The following SPTLC1 variants were observed in gnomAD, a reference collection of about 807,000 sequenced individuals.
SPTLC1 encodes the protein serine palmitoyltransferase 1.
SPTLC1 carries 55 observed loss-of-function variants against 68.9 expected under a neutral mutation model. The observed-to-expected ratio is 0.80, with a 90% confidence interval of 0.64 to 1.00. The LOEUF is 1.00. Ranked by LOEUF, SPTLC1 falls within the 50% of genes least tolerant of loss-of-function variation. SPTLC1 has a pLI of 0.00. For synonymous variants in SPTLC1, 197 were observed against 201.6 expected, an observed-to-expected ratio of 0.98 and a Z score of 0.19; for missense variants, 449 against 573.1, an observed-to-expected ratio of 0.78 and a Z score of 2.21.
At chr9:92,081,124 C>T (rs536372605) in intron 3 of SPTLC1, among the ~76,000 whole-genome samples, 161 bp from the exon 4 acceptor site, 2 of 152,100 alleles carry the variant, frequency 1.3e-5, no homozygotes, top group South Asian at 4.2e-4. Context: ...GAGCATGGTA[C>T]ATTAAAAATA....
intron 8 of SPTLC1, among the ~76,000 whole-genome samples, chr9:92,053,130 C>CAA (rs79512949): frequency 2.1e-5 from 3 of 140,184 alleles, no homozygotes; most frequent in Non-Finnish European, 4.8e-5. Context: ...AACAAACAAA[C>CAA]AAAAAAAAAA....
At chr9:92,058,438 T>C (rs1026212180) in intron 7 of SPTLC1, among the ~76,000 whole-genome samples, 1 of 152,200 alleles carries the variant, frequency 6.6e-6, no homozygotes, top group African/African-American at 2.4e-5. Flanking sequence ...ACACACATCA[T>C]GGTGTCCTGC....
rs1473206458 is a variant in SPTLC1 at position 92,031,514 on chromosome 9, T to C, written c.*951A>G. 2 of 152,194 alleles carry C rather than the reference T, an allele frequency of 1.3e-5. No homozygotes were observed. The highest frequency in any genetic ancestry group is 3.8e-4 in the East Asian group (2 of 5,198). 9.4% of individuals were successfully genotyped at this position (152,194 alleles called of 1,614,324 possible). Reference sequence around the variant, plus strand: ...GCTTAAAAATGGTATTTTTAGTGCTTTCACATCTTTTGTAGATATCTGGAA... The same window carrying C: ...GCTTAAAAATGGTATTTTTAGTGCTCTCACATCTTTTGTAGATATCTGGAA... On this transcript the variant is annotated 3_prime_UTR_variant, in exon 15 of 15. Coordinates refer to ENST00000262554, the MANE Select transcript of SPTLC1 (RefSeq NM_006415.4).
intron 3 of SPTLC1, 145 bp downstream of exon 3, chr9:92,108,595 A>T: frequency 9.3e-7 from 1 of 1,073,098 alleles, no homozygotes; most frequent in South Asian, 1.5e-5. Flanking sequence ...AATTTTTTAA[A>T]ATCAGGAGCT....
At chr9:92,035,693 G>C (rs1038178143) in intron 13 of SPTLC1, among the ~76,000 whole-genome samples, 6 of 152,134 alleles carry the variant, frequency 3.9e-5, no homozygotes, top group African/African-American at 1.4e-4. Flanking sequence ...AATAGCAACA[G>C]AGCAAAGGGC....
rs879683011 is a variant in SPTLC1 at position 92,085,026 on chromosome 9, C to T, written c.261-4063G>A. Among the ~76,000 whole-genome samples, 916 of 151,792 alleles carry T rather than the reference C, an allele frequency of 6.0e-3. 7 individuals carry two copies. The highest frequency in any genetic ancestry group is 9.8e-3 in the Non-Finnish European group (667 of 67,840). On this transcript the variant is annotated intron_variant, in intron 3 of 14. Coordinates refer to ENST00000262554, the MANE Select transcript of SPTLC1 (RefSeq NM_006415.4). ...TCTTCTAGATTTTCTAGTTTATTTG[C>T]GTAGAGGTGTTTGTAGTATTCTCTG...
chr9:92,104,837 C>T (rs1332847386), intron 3 of SPTLC1: 43 of 1,529,480 alleles, frequency 2.8e-5, no homozygotes, highest in Non-Finnish European at 3.6e-5. Context: ...AAATGTCCAC[C>T]TCAAGAGCTT....
chr9:92,077,201 G>A (rs990162482), intron 5 of SPTLC1, among the ~76,000 whole-genome samples: 7 of 152,042 alleles, frequency 4.6e-5, no homozygotes, highest in South Asian at 2.1e-4. Flanking sequence ...TTACACGGCC[G>A]CACCTTTCTG....
At chr9:92,038,110 C>T (rs1276302028) in intron 13 of SPTLC1, 138 bp downstream of exon 13, 8 of 752,456 alleles carry the variant, frequency 1.1e-5, no homozygotes, top group Non-Finnish European at 1.5e-5. Flanking sequence ...ATGTCAAGAG[C>T]GGGTCACCAG....
Position 92,037,798 on chromosome 9 carries a change from G to GGTGACT in SPTLC1, c.1254+444_1254+449dup, listed in dbSNP as rs1411887166. On this transcript the variant is annotated intron_variant, in intron 13 of 14. Transcript: ENST00000262554. ...GTTTACAAGAGCATCCTGACTTCAG[G>GGTGACT]GTGACTGTGAGTGGACTGTCCCTGA... Among the ~76,000 whole-genome samples, 3 of 152,230 alleles carry GGTGACT rather than the reference G, an allele frequency of 2.0e-5. No individual in the cohort carries two copies. In the East Asian group the frequency reaches 5.8e-4, roughly 29 times the overall value.
At chr9:92,111,089 T>C (rs1350035105) in intron 2 of SPTLC1, 1 of 152,194 alleles carries the variant, frequency 6.6e-6, no homozygotes, top group African/African-American at 2.4e-5. Context: ...CTTATAATCC[T>C]AGCAGGCCAA....
chr9:92,114,074 G>C (rs1371701312), intron 1 of SPTLC1, among the ~76,000 whole-genome samples: 1 of 151,782 alleles, frequency 6.6e-6, no homozygotes, highest in Non-Finnish European at 1.5e-5. Context: ...AGGAGTTCGA[G>C]GCCAGGCTGG....
chr9:92,083,434 G>A (rs568940606), intron 3 of SPTLC1, among the ~76,000 whole-genome samples: 1,905 of 151,580 alleles, frequency 0.013, 23 homozygotes, highest in Middle Eastern at 0.027. Context: ...GTAAGGAAGG[G>A]ATCCAGTTTC....
At chr9:92,061,157 G>A (rs911685740) in intron 6 of SPTLC1, among the ~76,000 whole-genome samples, 11 of 152,162 alleles carry the variant, frequency 7.2e-5, no homozygotes, top group Non-Finnish European at 1.3e-4. Flanking sequence ...AAGAAGCTGA[G>A]CAAAATCCAT....
chr9:92,112,078 C>G (rs1836270594), intron 2 of SPTLC1, among the ~76,000 whole-genome samples: 1 of 152,188 alleles, frequency 6.6e-6, no homozygotes, highest in East Asian at 1.9e-4. Context: ...TACTCTGACT[C>G]TCCTTTAAGA....
intron 3 of SPTLC1, among the ~76,000 whole-genome samples, chr9:92,084,686 A>G (rs888708989): frequency 6.6e-6 from 1 of 151,834 alleles, no homozygotes; most frequent in African/African-American, 2.4e-5. Context: ...CATCAAGGAT[A>G]TTGGTCTAAA....
chr9:92,080,851 A>C lies in SPTLC1; in HGVS notation c.354+19T>G, dbSNP rs1220213744. ...ATCAGTAATGTTATCTGTCCACTTC[A>C]GCAATATGTGCTACTCACCTTAACC... On this transcript the variant is annotated intron_variant, in intron 4 of 14. Coordinates refer to ENST00000262554, the MANE Select transcript of SPTLC1 (RefSeq NM_006415.4). The C allele has an allele frequency of 1.3e-6, 2 of 1,574,958 alleles. No homozygotes were observed. The highest frequency in any genetic ancestry group is 2.2e-5 in the South Asian group (2 of 90,348).
intron 3 of SPTLC1, 59 bp downstream of exon 3, chr9:92,108,681 G>A (rs1365285962): frequency 6.3e-7 from 1 of 1,585,286 alleles, no homozygotes; most frequent in East Asian, 2.2e-5. Context: ...AAGCACTATA[G>A]ACTGCAGGTT....
chr9:92,047,110 C>T, intron 11 of SPTLC1, 62 bp downstream of exon 11: 6 of 1,359,822 alleles, frequency 4.4e-6, no homozygotes, highest in Non-Finnish European at 4.2e-6. Context: ...GTAAGTAAAT[C>T]AGTAACACAA....
Sources: gnomAD v4.1 joint callset for allele counts (sites outside exome capture counted in the v4.1 genomes callset) on GRCh38, gnomAD v4.1.1 for gene constraint, MANE v1.5 for transcripts, NCBI Gene and HGNC (gene_info 2026-07-23, HGNC 2026-07-21) for gene names.